Variants in MRPS26 observed in about 807,000 individuals in gnomAD.
MRPS26 encodes the protein mitochondrial ribosomal protein S26.
A neutral mutation model predicts 22.7 loss-of-function variants in MRPS26; 26 were observed. The observed-to-expected ratio is 1.15, with a 90% CI of 0.84 to 1.59. The LOEUF is 1.59. MRPS26 is among the 40% of genes most tolerant of loss of function. The probability of loss-of-function intolerance (pLI) is 0.00; values close to 1 mark genes in which losing one functional copy is unlikely to be tolerated. For missense variants in MRPS26, 291 were observed against 287.7 expected, an observed-to-expected ratio of 1.01 and a Z score of -0.08; for synonymous variants, 120 against 124.0, an observed-to-expected ratio of 0.97 and a Z score of 0.22.
chr20:3,046,295 G>A lies in MRPS26; in HGVS notation c.212+15G>A, dbSNP rs754280366. The A allele has an allele frequency of 5.0e-6, 8 of 1,604,718 alleles. No homozygotes were observed. Among genetic ancestry groups the A allele is most frequent in the Middle Eastern group, 1.6e-4 (1 of 6,066 alleles). On this transcript the variant is annotated intron_variant, in intron 1 of 3. Coordinates refer to ENST00000380325, the MANE Select transcript of MRPS26 (RefSeq NM_030811.4). ...CGCGCCCTCAGGTGTGCGGCCGGGGGGAGGTGGCCGCCCGCGCGCGCTGGT... is the reference window on the plus strand; with the variant it reads ...CGCGCCCTCAGGTGTGCGGCCGGGGAGAGGTGGCCGCCCGCGCGCGCTGGT...
In MRPS26 at chr20:3,046,059, A is replaced by C; in HGVS notation, c.-10A>C. ...TCCCGGCACCGCGGCCGCAGTGAGG[A>C]GACTCGGCCATGCTACGCGCGCTGA... On this transcript the variant is annotated 5_prime_UTR_variant, in exon 1 of 4. Transcript: ENST00000380325. 1 of 1,475,380 alleles carries C rather than the reference A, an allele frequency of 6.8e-7. No individual in the cohort carries two copies. The highest frequency in any genetic ancestry group is 2.6e-5 in the East Asian group (1 of 38,340). 91.4% of individuals were successfully genotyped at this position (1,475,380 alleles called of 1,614,324 possible).
At position 3,046,460 on chromosome 20, in the gene MRPS26, C is replaced by T. The variant is rs2065988804; in HGVS notation, c.300C>T (p.Ala100=). Residue 100 remains alanine, a synonymous_variant, in exon 2 of 4, where the codon GCC becomes GCT. Transcript: ENST00000380325. ...LAERKALKDA[A]EHRELMAWNQ... is the part of the protein sequence containing the mutation. ...AGCGCAAGGCCCTGAAGGACGCCGC[C>T]GAGCACCGCGAGCTGATGGCCTGGA... is the stretch of plus-strand genomic sequence containing the variant. 2 of 1,590,332 alleles carry T rather than the reference C, an allele frequency of 1.3e-6. No homozygotes were observed. Among genetic ancestry groups the T allele is most frequent in the Non-Finnish European group, 8.5e-7 (1 of 1,173,090 alleles).
rs2065988577 is a variant in MRPS26, at chr20:3,046,419, G to A, written c.259G>A (p.Ala87Thr). ...GCAGAGGAAGGTGCACGAGGCCCGA[G>A]CCGGGGTTCTGGCGGAGCGCAAGGC... is the stretch of plus-strand genomic sequence containing the variant. The part of the protein sequence containing the change: ...EVQRKVHEAR[A>T]GVLAERKALK... The change falls in exon 2 of 4, where the codon GCC (alanine) becomes ACC (threonine). Residue 87 changes from alanine (A) to threonine (T), a missense_variant. By Grantham distance (58) the Ala-to-Thr change is moderately conservative. Transcript: ENST00000380325. The A allele has an allele frequency of 3.1e-6, 5 of 1,606,466 alleles. No individual in the cohort carries two copies. Among genetic ancestry groups the A allele is most frequent in the Non-Finnish European group, 3.4e-6 (4 of 1,178,178 alleles).
chr20:3,046,315 G>T (rs1176076042), intron 1 of MRPS26, 35 bp downstream of exon 1: 8 of 1,605,016 alleles, frequency 5.0e-6, no homozygotes, highest in South Asian at 1.1e-5. Context: ...GCCCGCGCGC[G>T]CTGGTGACGG....
intron 3 of MRPS26, among the ~76,000 whole-genome samples, chr20:3,047,513 G>A (rs1189694743): frequency 6.6e-6 from 1 of 152,224 alleles, no homozygotes; most frequent in Non-Finnish European, 1.5e-5. Flanking sequence ...GGCACTCGGG[G>A]CTATGGCTGA....
At position 3,046,613 on chromosome 20, in the gene MRPS26, G is replaced by C; in HGVS notation, c.360-1G>C. The C allele has an allele frequency of 6.5e-7, 1 of 1,538,322 alleles. No individual in the cohort carries two copies. The highest frequency in any genetic ancestry group is 8.8e-7 in the Non-Finnish European group (1 of 1,139,000). ...CAGCCTCGGCCCTTTGACCCTCACAGGATAGCGAGGCTGCGGCAGGAGGAG... is the reference window on the plus strand; with the variant it reads ...CAGCCTCGGCCCTTTGACCCTCACACGATAGCGAGGCTGCGGCAGGAGGAG... On this transcript the variant is annotated splice_acceptor_variant, in intron 2 of 3. Transcript: ENST00000380325. LOFTEE classifies it high-confidence loss of function.
At chr20:3,047,298 A>G (rs2065993463) in intron 3 of MRPS26, among the ~76,000 whole-genome samples, 1 of 152,194 alleles carries the variant, frequency 6.6e-6, no homozygotes, top group African/African-American at 2.4e-5. Flanking sequence ...CTGAGGCATG[A>G]GAATCGCTTG....
chr20:3,046,243 C>T lies in MRPS26; in HGVS notation c.175C>T (p.Arg59Cys). The stretch of plus-strand genomic sequence containing the variant: ...TGCGGAGTTCTTCGTGCTGATGGAG[C>T]GTTACCAGCACTACCGCCAGACCGT... ...DPAEFFVLME[R>C]YQHYRQTVRA... Residue 59 changes from arginine (R) to cysteine (C), a missense_variant, in exon 1 of 4, where the codon CGT (arginine) becomes TGT (cysteine). Coordinates refer to ENST00000380325, the MANE Select transcript of MRPS26 (RefSeq NM_030811.4). 6.2e-7 allele frequency: 1 copy of T among 1,606,500 alleles called. No homozygotes were observed. Among genetic ancestry groups the T allele is most frequent in the East Asian group, 2.2e-5 (1 of 44,824 alleles).
In MRPS26 at chr20:3,047,731, A is replaced by G; in HGVS notation, c.484-4A>G. On this transcript the variant is annotated splice_polypyrimidine_tract_variant and splice_region_variant and intron_variant, in intron 3 of 3. Coordinates refer to ENST00000380325, the MANE Select transcript of MRPS26 (RefSeq NM_030811.4). The stretch of plus-strand genomic sequence containing the variant: ...TGTTCAGCTGGGCTTTTCTCTCCCG[A>G]TAGGAAGAGGTGAAAAACTTCATCA... The G allele has an allele frequency of 6.2e-7, 1 of 1,613,354 alleles. No homozygotes were observed. The highest frequency in any genetic ancestry group is 8.5e-7 in the Non-Finnish European group (1 of 1,179,652).
At position 3,047,595 on chromosome 20, in the gene MRPS26, A is replaced by G. The variant is rs892130708; in HGVS notation, c.484-140A>G. 23 of 1,212,058 alleles carry G rather than the reference A, an allele frequency of 1.9e-5. No individual in the cohort carries two copies. In the African/African-American group the frequency reaches 2.1e-4, roughly 11 times the overall value. 75.1% of individuals were successfully genotyped at this position (1,212,058 alleles called of 1,614,324 possible). A position where few individuals can be genotyped will look rare whatever the true frequency, so the allele number is the denominator to read the frequency against. ...CACTGGGAGGCCAGAGGGGCTCTCAAATAGGACCTGGGTTCCAGGCATGCT... is the reference window on the plus strand; with the variant it reads ...CACTGGGAGGCCAGAGGGGCTCTCAGATAGGACCTGGGTTCCAGGCATGCT... On this transcript the variant is annotated intron_variant, in intron 3 of 3. Transcript: ENST00000380325.
Position 3,047,848 on chromosome 20 carries a change from G to A in MRPS26, c.597G>A (p.Arg199=), listed in dbSNP as rs753907947. The change falls in exon 4 of 4, where the codon AGG becomes AGA. Residue 199 remains arginine, a synonymous_variant. Coordinates refer to ENST00000380325, the MANE Select transcript of MRPS26 (RefSeq NM_030811.4). ...WAITREGLVV[R]PQRRDS is the part of the protein sequence containing the mutation. ...TCACCAGAGAGGGGCTGGTGGTCAGGCCACAACGCAGGGACTCCTAGGGGC... is the reference window on the plus strand; with the variant it reads ...TCACCAGAGAGGGGCTGGTGGTCAGACCACAACGCAGGGACTCCTAGGGGC... 11 of 1,611,428 alleles carry A rather than the reference G, an allele frequency of 6.8e-6. No homozygotes were observed. The highest frequency in any genetic ancestry group is 6.8e-6 in the Non-Finnish European group (8 of 1,179,160).
rs1301261408 is a variant in MRPS26 at position 3,046,642 on chromosome 20, G to A, written c.388G>A (p.Glu130Lys). The change falls in exon 3 of 4, where the codon GAG becomes AAG. Residue 130 changes from glutamate (E) to lysine (K), a missense_variant. Coordinates refer to ENST00000380325, the MANE Select transcript of MRPS26 (RefSeq NM_030811.4). ...RIARLRQEER[E>K]QEQRQALEQA... ...AGCGAGGCTGCGGCAGGAGGAGCGGGAGCAGGAGCAGCGGCAGGCGTTGGA... is the reference window on the plus strand; with the variant it reads ...AGCGAGGCTGCGGCAGGAGGAGCGGAAGCAGGAGCAGCGGCAGGCGTTGGA... The A allele has an allele frequency of 6.5e-7, 1 of 1,540,234 alleles. No homozygotes were observed. Among genetic ancestry groups the A allele is most frequent in the Admixed American group, 2.0e-5 (1 of 51,210 alleles).
Position 3,046,156 on chromosome 20 carries a change from C to G in MRPS26, c.88C>G (p.Arg30Gly), listed in dbSNP as rs1362951267. 5.0e-6 allele frequency: 8 copies of G among 1,597,106 alleles called. No homozygotes were observed. Among genetic ancestry groups the G allele is most frequent in the Non-Finnish European group, 6.8e-6 (8 of 1,179,026 alleles). The change falls in exon 1 of 4, where the codon CGC (arginine) becomes GGC (glycine). Residue 30 changes from arginine to glycine, a missense_variant. Transcript: ENST00000380325. ...GCTGCCAGCGCGCGGCCGCAAGACC[C>G]GCCACGACCCGCTGGCCAAATCCAA... ...LVLPARGRKT[R>G]HDPLAKSKIE...
intron 1 of MRPS26, 22 bp from the exon 2 acceptor site, chr20:3,046,351 T>C: frequency 6.2e-7 from 1 of 1,604,714 alleles, no homozygotes; most frequent in Admixed American, 1.7e-5. Context: ...AGGGTGCTGA[T>C]TCCTGGCGCG....
chr20:3,046,214 A>T lies in MRPS26; in HGVS notation c.146A>T (p.Asp49Val), dbSNP rs1000129573. The change falls in exon 1 of 4, where the codon GAC becomes GTC. Residue 49 changes from aspartate to valine, a missense_variant. By Grantham distance (152) the Asp-to-Val change is radical (BLOSUM62 -3). Transcript: ENST00000380325. ...CGAGTGAACATGCCGCCCGCGGTGGACCCTGCGGAGTTCTTCGTGCTGATG... is the reference window on the plus strand; with the variant it reads ...CGAGTGAACATGCCGCCCGCGGTGGTCCCTGCGGAGTTCTTCGTGCTGATG... ...IERVNMPPAV[D>V]PAEFFVLMER... The T allele has an allele frequency of 1.2e-6, 2 of 1,603,444 alleles. No homozygotes were observed. The highest frequency in any genetic ancestry group is 1.7e-6 in the Non-Finnish European group (2 of 1,179,604).
chr20:3,047,642 G>T, intron 3 of MRPS26, 93 bp from the exon 4 acceptor site: 1 of 1,537,672 alleles, frequency 6.5e-7, no homozygotes. Context: ...AGCAGGAGCT[G>T]CTTTCTCAGT....
At chr20:3,047,387 AAAAT>A (rs140175929) in intron 3 of MRPS26, among the ~76,000 whole-genome samples, 58,435 of 150,686 alleles carry the variant, frequency 0.39, 12,047 homozygotes, top group East Asian at 0.75. Flanking sequence ...ACTCCGTCTC[AAAAT>A]AAATAAATAA....
Position 3,046,690 on chromosome 20 carries a change from G to T in MRPS26, c.436G>T (p.Val146Leu). 1 of 1,545,910 alleles carries T rather than the reference G, an allele frequency of 6.5e-7. No homozygotes were observed. The change falls in exon 3 of 4, where the codon GTG becomes TTG. Residue 146 changes from valine to leucine, a missense_variant. Coordinates refer to ENST00000380325, the MANE Select transcript of MRPS26 (RefSeq NM_030811.4). ...ALEQARKAEE[V>L]QAWAQRKERE... is the part of the protein sequence containing the mutation. ...GGAGCAGGCCCGCAAGGCCGAAGAG[G>T]TGCAGGCCTGGGCGCAGCGCAAGGA...
At position 3,047,337 on chromosome 20, in the gene MRPS26, C is replaced by A. The variant is rs949883343; in HGVS notation, c.484-398C>A. Among the ~76,000 whole-genome samples the A allele has an allele frequency of 2.6e-5, 4 of 152,020 alleles. No individual in the cohort carries two copies. The South Asian group carries it at 8.3e-4, about 32-fold the overall frequency. ...CCAGGAGGCAGAGGTTGCAGTGAGCCGAGATGGCGCCACTGCACTCCATCC... is the reference window on the plus strand; with the variant it reads ...CCAGGAGGCAGAGGTTGCAGTGAGCAGAGATGGCGCCACTGCACTCCATCC... On this transcript the variant is annotated intron_variant, in intron 3 of 3. Coordinates refer to ENST00000380325, the MANE Select transcript of MRPS26 (RefSeq NM_030811.4).
Sources: gnomAD v4.1 joint callset for allele counts (sites outside exome capture counted in the v4.1 genomes callset) on GRCh38, gnomAD v4.1.1 for gene constraint, MANE v1.5 for transcripts, NCBI Gene and HGNC (gene_info 2026-07-23, HGNC 2026-07-21) for gene names.